MYO9A: variants seen among roughly 807,000 people sequenced by gnomAD.
MYO9A encodes unconventional myosin-IXa.
MYO9A carries 103 observed loss-of-function variants against 293.3 expected under a neutral mutation model. The ratio of observed to expected loss-of-function variants is 0.35; its 90% CI spans 0.30 to 0.41. The LOEUF is 0.41. MYO9A is among the 10% of genes least tolerant of loss of function. MYO9A has a pLI of 1.00. For synonymous variants in MYO9A, 1,001 were observed against 1,035.7 expected (o/e 0.97, Z 0.64); for missense variants, 2,685 against 3,033.0 (o/e 0.89, Z 2.69).
At chr15:71,892,760 C>T (rs2057215271) in intron 26 of MYO9A, 1 of 255,242 alleles carries the variant, frequency 3.9e-6, no homozygotes, top group African/African-American at 2.3e-5. Context: ...GTCAAATAAT[C>T]TTAATTTTGC....
At chr15:71,925,865 C>T (rs4777475) in intron 18 of MYO9A, among the ~76,000 whole-genome samples, 32,194 of 152,086 alleles carry the variant, frequency 0.21, 3,682 homozygotes, top group East Asian at 0.41. Context: ...TTACCTCTAA[C>T]AGTTCTAAAT....
chr15:72,005,868 G>C (rs1596362876), intron 8 of MYO9A, among the ~76,000 whole-genome samples: 1 of 152,116 alleles, frequency 6.6e-6, no homozygotes, highest in African/African-American at 2.4e-5. Context: ...GACCACTTAA[G>C]GTTAAACCAC....
chr15:71,929,021 A>G (rs537340900), intron 18 of MYO9A, among the ~76,000 whole-genome samples: 1 of 152,120 alleles, frequency 6.6e-6, no homozygotes, highest in African/African-American at 2.4e-5. Flanking sequence ...AGTGAGCTAC[A>G]ATCATGCCAC....
chr15:72,069,915 C>T (rs1004055778), intron 1 of MYO9A, among the ~76,000 whole-genome samples: 6 of 150,158 alleles, frequency 4.0e-5, no homozygotes, highest in South Asian at 2.1e-4. Context: ...CTCAGGAGTT[C>T]GCAACCAGCC....
chr15:71,964,092 G>A (rs574047526), intron 13 of MYO9A, among the ~76,000 whole-genome samples: 2 of 152,112 alleles, frequency 1.3e-5, no homozygotes, highest in East Asian at 3.9e-4. Flanking sequence ...TCTAATATCT[G>A]TAGGTTATGT....
At chr15:71,955,181 G>A (rs2059150342) in intron 14 of MYO9A, among the ~76,000 whole-genome samples, 1 of 150,062 alleles carries the variant, frequency 6.7e-6, no homozygotes, top group South Asian at 2.1e-4. Context: ...AGGCTGGAGT[G>A]CAATGGTTCA....
intron 1 of MYO9A, among the ~76,000 whole-genome samples, chr15:72,077,716 T>G (rs1479666808): frequency 2.5e-5 from 3 of 118,902 alleles, no homozygotes; most frequent in Non-Finnish European, 4.9e-5. Flanking sequence ...GGCAACAGAG[T>G]GAGACTCTGT....
intron 1 of MYO9A, among the ~76,000 whole-genome samples, chr15:72,058,919 G>C (rs1021749284): frequency 2.6e-5 from 4 of 152,202 alleles, no homozygotes; most frequent in Non-Finnish European, 5.9e-5. Context: ...GTTCTGTGCA[G>C]TGTTCTGCAG....
At chr15:72,018,929 G>C in intron 6 of MYO9A, 110 bp downstream of exon 6, 1 of 811,446 alleles carries the variant, frequency 1.2e-6, no homozygotes, top group Non-Finnish European at 2.1e-6. Context: ...TTCCTTCCTA[G>C]GATTCTTTGT....
chr15:72,074,951 CTTTTTTTTTTTTT>C (rs750462703), intron 1 of MYO9A, among the ~76,000 whole-genome samples: 42 of 53,132 alleles, frequency 7.9e-4, no homozygotes, highest in African/African-American at 2.8e-3. Context: ...TTTTCACTGC[CTTTTTTTTTTTTT>C]TTTTTTTTTT....
At chr15:71,827,443 G>C (rs1389352693) in intron 41 of MYO9A, among the ~76,000 whole-genome samples, 1 of 152,112 alleles carries the variant, frequency 6.6e-6, no homozygotes, top group Non-Finnish European at 1.5e-5. Flanking sequence ...TTATGGGTCA[G>C]TAAGACAACA....
intron 35 of MYO9A, among the ~76,000 whole-genome samples, chr15:71,852,755 C>T (rs549669457): frequency 2.6e-5 from 4 of 152,280 alleles, no homozygotes; most frequent in South Asian, 2.1e-4. Flanking sequence ...TGAAAGAATA[C>T]GTCTTGTGTA....
intron 4 of MYO9A, among the ~76,000 whole-genome samples, chr15:72,022,837 A>C (rs764364034): frequency 6.2e-4 from 94 of 152,218 alleles, no homozygotes; most frequent in Non-Finnish European, 1.1e-3. Flanking sequence ...AGCGTGAGTC[A>C]CCACACCCAG....
chr15:72,022,477 C>T (rs1225429416), intron 4 of MYO9A, among the ~76,000 whole-genome samples: 1 of 151,472 alleles, frequency 6.6e-6, no homozygotes, highest in South Asian at 2.1e-4. Context: ...GCCGAGATCA[C>T]GCTACTGCAC....
chr15:72,072,525 T>C (rs143135961), intron 1 of MYO9A, among the ~76,000 whole-genome samples: 8 of 152,248 alleles, frequency 5.3e-5, no homozygotes, highest in Non-Finnish European at 1.0e-4. Context: ...CAATGGCAGA[T>C]TGAGTAAAGA....
chr15:72,000,899 C>A (rs1010926525), intron 8 of MYO9A, among the ~76,000 whole-genome samples: 2 of 152,160 alleles, frequency 1.3e-5, no homozygotes, highest in African/African-American at 4.8e-5. Context: ...GGCATTTACA[C>A]GATTTACAAT....
chr15:71,889,531 C>T (rs2057118543), intron 26 of MYO9A: 1 of 144,114 alleles, frequency 6.9e-6, no homozygotes, highest in South Asian at 2.2e-4. Flanking sequence ...TCACAGCTCA[C>T]TGCAGCCCTG....
At chr15:71,832,946 A>ACC (rs1181754581) in intron 39 of MYO9A, among the ~76,000 whole-genome samples, 22 of 152,158 alleles carry the variant, frequency 1.4e-4, no homozygotes, top group Admixed American at 1.4e-3. Context: ...TAGATCACAG[A>ACC]TCTGTTTTCA....
At chr15:72,075,941 A>C (rs903396466) in intron 1 of MYO9A, among the ~76,000 whole-genome samples, 2 of 152,170 alleles carry the variant, frequency 1.3e-5, no homozygotes, top group African/African-American at 4.8e-5. Context: ...ACACTGTACC[A>C]GTGGTAACAG....
Sources: gnomAD v4.1 joint callset for allele counts (sites outside exome capture counted in the v4.1 genomes callset) on GRCh38, gnomAD v4.1.1 for gene constraint, MANE v1.5 for transcripts, NCBI Gene and HGNC (gene_info 2026-07-23, HGNC 2026-07-21) for gene names.